The following HIPK3 variants were observed in gnomAD, a reference collection of about 807,000 sequenced individuals.
The protein encoded by HIPK3 is homeodomain-interacting protein kinase 3.
HIPK3 carries 47 observed loss-of-function variants against 124.2 expected under a neutral mutation model. That is an observed-to-expected ratio of 0.38 (90% CI 0.30 to 0.48). The LOEUF (loss-of-function observed/expected upper bound fraction) is 0.48, where lower values mean the gene tolerates loss of function less well. Among genes scored for constraint, HIPK3 ranks in the 20% least tolerant of loss-of-function variants. The pLI is 0.98. For missense variants in HIPK3, 1,286 were observed against 1,454.3 expected, an observed-to-expected ratio of 0.88 and a Z score of 1.88; for synonymous variants, 482 against 515.2, an observed-to-expected ratio of 0.94 and a Z score of 0.87.
At chr11:33,274,439 C>T (rs995538288) in intron 1 of HIPK3, among the ~76,000 whole-genome samples, 3 of 152,064 alleles carry the variant, frequency 2.0e-5, no homozygotes, top group African/African-American at 7.2e-5. Flanking sequence ...TTGTTCATAA[C>T]CCAAACTTAA....
intron 3 of HIPK3, among the ~76,000 whole-genome samples, chr11:33,334,332 A>G (rs1853074746): frequency 6.6e-6 from 1 of 152,152 alleles, no homozygotes; most frequent in Admixed American, 6.6e-5. Context: ...AAGAAGGAAT[A>G]GTAGAAGTTT....
chr11:33,335,698 A>T (rs1853122911), intron 3 of HIPK3: 2 of 151,840 alleles, frequency 1.3e-5, no homozygotes, highest in Admixed American at 6.6e-5. Context: ...GTGGGGAGAG[A>T]GCTCAGAGGG....
At chr11:33,347,808 A>G (rs1385573877) in intron 10 of HIPK3, 44 bp from the exon 11 acceptor site, 1 of 1,613,048 alleles carries the variant, frequency 6.2e-7, no homozygotes, top group South Asian at 1.1e-5. Context: ...ATCTTGATTA[A>G]AGAAAGATCT....
chr11:33,340,031 T>C (rs1181054169), intron 6 of HIPK3, among the ~76,000 whole-genome samples: 1 of 152,192 alleles, frequency 6.6e-6, no homozygotes, highest in Non-Finnish European at 1.5e-5. Flanking sequence ...GAAGAATATA[T>C]ACTAAAATTC....
At chr11:33,330,410 C>G (rs1245324144) in intron 3 of HIPK3, among the ~76,000 whole-genome samples, 1 of 152,140 alleles carries the variant, frequency 6.6e-6, no homozygotes, top group Non-Finnish European at 1.5e-5. Context: ...CTCACTGCAA[C>G]ATCCGCCTCC....
chr11:33,282,204 T>C (rs1565061172), intron 1 of HIPK3, among the ~76,000 whole-genome samples: 1 of 151,260 alleles, frequency 6.6e-6, no homozygotes, highest in Non-Finnish European at 1.5e-5. Context: ...CTGGGCAATA[T>C]GGCAAGACCC....
At position 33,355,846 on chromosome 11, in the gene HIPK3, A is replaced by T. The variant is rs189429278; in HGVS notation, c.*2278A>T. On this transcript the variant is annotated 3_prime_UTR_variant, in exon 17 of 17. Coordinates refer to ENST00000303296, the MANE Select transcript of HIPK3 (RefSeq NM_005734.5). ...ATACAAATAGAAATATATATATATA[A>T]AAAATTAAATGTTTAAAAAGGAGTA... The T allele has an allele frequency of 2.6e-3, 391 of 151,840 alleles. No individual in the cohort carries two copies. The highest frequency in any genetic ancestry group is 5.9e-3 in the African/African-American group (246 of 41,518). 9.4% of individuals were successfully genotyped at this position (151,840 alleles called of 1,614,324 possible).
Position 33,286,884 on chromosome 11 carries a change from A to G in HIPK3, c.470A>G (p.Asn157Ser), listed in dbSNP as rs1851571778. Residue 157 changes from asparagine to serine, a missense_variant, in exon 2 of 17, where the codon AAC (asparagine) becomes AGC (serine). Around this residue, in one of 3 missense-constraint regions of HIPK3, gnomAD observed 225 missense variants for 240.3 expected, o/e 0.94. Coordinates refer to ENST00000303296, the MANE Select transcript of HIPK3 (RefSeq NM_005734.5). ...ATACTTCCTGCAATGTTGCAAACCA[A>G]CATGGGAAATCCAGTGACAGTTGTG... is the stretch of plus-strand genomic sequence containing the variant. Reference protein sequence around the residue: ...LSILPAMLQTNMGNPVTVVTA... With the variant: ...LSILPAMLQTSMGNPVTVVTA... The G allele has an allele frequency of 3.1e-6, 5 of 1,614,102 alleles. No individual in the cohort carries two copies. The highest frequency in any genetic ancestry group is 1.7e-5 in the Admixed American group (1 of 60,008).
intron 1 of HIPK3, among the ~76,000 whole-genome samples, chr11:33,260,609 G>A (rs1272853734): frequency 6.6e-6 from 1 of 152,130 alleles, no homozygotes; most frequent in Non-Finnish European, 1.5e-5. Flanking sequence ...TGATGATAAG[G>A]TAAATTAGAA....
chr11:33,353,366 A>C lies in HIPK3; in HGVS notation c.3446A>C (p.His1149Pro). ...TGTACCTCAAGACCTATGTTACAGC[A>C]TCCAACTTATAATATCTCCCATCCC... is the stretch of plus-strand genomic sequence containing the variant. The part of the protein sequence containing the change: ...SPCTSRPMLQ[H>P]PTYNISHPSG... The change falls in exon 17 of 17, where the codon CAT becomes CCT. Residue 1149 changes from histidine (H) to proline (P), a missense_variant. This residue lies in a region of HIPK3 where 810 missense variants were observed against 864.9 expected (regional missense o/e 0.94). Transcript: ENST00000303296. The C allele has an allele frequency of 2.5e-6, 4 of 1,614,156 alleles. No homozygotes were observed. The highest frequency in any genetic ancestry group is 1.1e-5 in the South Asian group (1 of 91,086).
At chr11:33,258,131 C>G (rs1159621326) in intron 1 of HIPK3, among the ~76,000 whole-genome samples, 9 of 152,082 alleles carry the variant, frequency 5.9e-5, no homozygotes, top group African/African-American at 1.9e-4. Flanking sequence ...CGGCGCCACG[C>G]CAGGCCCTGG....
chr11:33,290,922 G>T (rs979442141), intron 2 of HIPK3, among the ~76,000 whole-genome samples: 2 of 152,120 alleles, frequency 1.3e-5, no homozygotes, highest in South Asian at 4.1e-4. Context: ...TAAATTACAG[G>T]CTCTGGGTTT....
intron 1 of HIPK3, among the ~76,000 whole-genome samples, chr11:33,261,712 T>C (rs192711810): frequency 6.6e-6 from 1 of 152,366 alleles, no homozygotes; most frequent in Admixed American, 6.5e-5. Context: ...TAAAACAATG[T>C]ATATTTCTTT....
chr11:33,278,671 C>T (rs192314927), intron 1 of HIPK3, among the ~76,000 whole-genome samples: 53 of 152,082 alleles, frequency 3.5e-4, no homozygotes, highest in Non-Finnish European at 2.5e-4. Context: ...GGTGAAACTC[C>T]GTCTCTACTA....
chr11:33,321,408 G>A (rs959548340), intron 2 of HIPK3, among the ~76,000 whole-genome samples: 1 of 152,080 alleles, frequency 6.6e-6, no homozygotes, highest in African/African-American at 2.4e-5. Context: ...ATAATCAAGA[G>A]TTTTTTTATT....
chr11:33,332,977 G>A (rs1203293540), intron 3 of HIPK3, among the ~76,000 whole-genome samples: 1 of 152,160 alleles, frequency 6.6e-6, no homozygotes, highest in Non-Finnish European at 1.5e-5. Flanking sequence ...AGATGGGGGA[G>A]ATGGGTACTA....
Position 33,347,376 on chromosome 11 carries a change from G to A in HIPK3, c.1981G>A (p.Val661Met), listed in dbSNP as rs1200089612. Residue 661 changes from valine to methionine, a missense_variant, in exon 9 of 17, where the codon GTG becomes ATG. Val to Met is a conservative substitution (Grantham distance 21). Around this residue, in one of 3 missense-constraint regions of HIPK3, gnomAD observed 810 missense variants for 864.9 expected, o/e 0.94. Coordinates refer to ENST00000303296, the MANE Select transcript of HIPK3 (RefSeq NM_005734.5). Reference protein sequence around the residue: ...TVPLVTQAPAVQPLQIRPGVL... With the variant: ...TVPLVTQAPAMQPLQIRPGVL... ...TCCACTTGTAACTCAGGCCCCAGCT[G>A]TGCAGCCACTACAGATCCGACCAGG... 1 of 1,613,932 alleles carries A rather than the reference G, an allele frequency of 6.2e-7. No homozygotes were observed. Among genetic ancestry groups the A allele is most frequent in the African/African-American group, 1.3e-5 (1 of 74,902 alleles).
chr11:33,346,800 G>A (rs528014734), intron 8 of HIPK3, among the ~76,000 whole-genome samples: 7 of 152,330 alleles, frequency 4.6e-5, no homozygotes, highest in African/African-American at 1.7e-4. Context: ...TTTTTGGAAT[G>A]ATGTATATCA....
intron 2 of HIPK3, among the ~76,000 whole-genome samples, chr11:33,304,427 C>T (rs963215247): frequency 6.6e-6 from 1 of 152,162 alleles, no homozygotes; most frequent in African/African-American, 2.4e-5. Flanking sequence ...CTTGGTGGCG[C>T]ATGCCTGTAA....
Sources: allele counts gnomAD v4.1 joint callset (sites outside exome capture counted in the v4.1 genomes callset), GRCh38; gene constraint gnomAD v4.1.1; regional missense constraint gnomAD v4.1.1; transcripts MANE v1.5; gene names NCBI Gene and HGNC (gene_info 2026-07-23, HGNC 2026-07-21).